GALNT18: variants seen among roughly 807,000 people sequenced by gnomAD.
The protein encoded by GALNT18 is GalNAc-transferase 18.
Under a neutral mutation model 69.5 loss-of-function variants are expected in GALNT18, and 44 were observed. That is an observed-to-expected ratio of 0.63 (90% CI 0.50 to 0.81). The LOEUF is 0.81. Among genes scored for constraint, GALNT18 ranks in the 40% least tolerant of loss-of-function variants. The pLI is 0.00. For synonymous variants in GALNT18, 364 were observed against 318.2 expected, an observed-to-expected ratio of 1.14 and a Z score of -1.53; for missense variants, 715 against 810.0, an observed-to-expected ratio of 0.88 and a Z score of 1.42.
At chr11:11,373,697 A>C (rs924366703) in intron 5 of GALNT18, among the ~76,000 whole-genome samples, 24 of 152,356 alleles carry the variant, frequency 1.6e-4, no homozygotes, top group African/African-American at 4.8e-4. Flanking sequence ...CTTGGGTCTC[A>C]CCAGCTCTGT....
At chr11:11,302,968 G>C (rs1345764560) in intron 9 of GALNT18, among the ~76,000 whole-genome samples, 1 of 152,212 alleles carries the variant, frequency 6.6e-6, no homozygotes. Flanking sequence ...CCTGGATATA[G>C]GACAAAGCTC....
rs186486941 is a variant in GALNT18 at position 11,492,876 on chromosome 11, G to A, written c.236-43940C>T. ...CATGTATACCTATGTAACAAACCAC[G>A]TTCTGCACATGTATCCCAGAACTTA... On this transcript the variant is annotated intron_variant, in intron 1 of 10. Transcript: ENST00000227756. Among the ~76,000 whole-genome samples the A allele has an allele frequency of 8.4e-3, 1,277 of 151,928 alleles. 11 individuals carry two copies. Among genetic ancestry groups the A allele is most frequent in the Admixed American group, 0.018 (273 of 15,234 alleles).
rs1440428020 is a variant in GALNT18, at chr11:11,598,471, C to T, written c.235+22888G>A. On this transcript the variant is annotated intron_variant, in intron 1 of 10. Coordinates refer to ENST00000227756, the MANE Select transcript of GALNT18 (RefSeq NM_198516.3). The surrounding 1 kb of genome is among the most constrained non-coding windows in gnomAD (Gnocchi z 4.8). ...ATTGCATCACTCCAAAATCAGCCTT[C>T]ATTTTCATGTGTGTGTAACCTTCCT... Among the ~76,000 whole-genome samples, 1 of 152,170 alleles carries T rather than the reference C, an allele frequency of 6.6e-6. No homozygotes were observed. Among genetic ancestry groups the T allele is most frequent in the Admixed American group, 6.5e-5 (1 of 15,284 alleles).
At chr11:11,282,389 A>T (rs926567945) in intron 10 of GALNT18, among the ~76,000 whole-genome samples, 1 of 152,206 alleles carries the variant, frequency 6.6e-6, no homozygotes, top group Non-Finnish European at 1.5e-5. Context: ...AATACTTTAC[A>T]TGCCCAATTC....
chr11:11,271,059 CCAAA>C lies in GALNT18; in HGVS notation c.*81_*84del, dbSNP rs1488040971. On this transcript the variant is annotated 3_prime_UTR_variant, in exon 11 of 11. Transcript: ENST00000227756. ...GCCCACTAACCTGGTTCCCCAGACT[CCAAA>C]CAACCCCACGTGGACAGCAGGCAAC... 4 of 1,346,962 alleles carry C rather than the reference CCAAA, an allele frequency of 3.0e-6. No individual in the cohort carries two copies. The highest frequency in any genetic ancestry group is 2.9e-5 in the African/African-American group (2 of 69,698). The allele number at this position is 1,346,962 out of a possible 1,614,324, so 83.4% of individuals were successfully genotyped here.
At chr11:11,360,079 C>G (rs993604074) in intron 6 of GALNT18, among the ~76,000 whole-genome samples, 1 of 152,074 alleles carries the variant, frequency 6.6e-6, no homozygotes, top group Non-Finnish European at 1.5e-5. Flanking sequence ...ACCACATAAA[C>G]ACTTACTCCA....
chr11:11,476,983 G>A (rs1175603311), intron 1 of GALNT18, among the ~76,000 whole-genome samples: 1 of 152,178 alleles, frequency 6.6e-6, no homozygotes, highest in East Asian at 1.9e-4. Flanking sequence ...TTCTGAGTTG[G>A]GGTCCACCCA....
intron 1 of GALNT18, among the ~76,000 whole-genome samples, chr11:11,579,122 T>A (rs1158623422): frequency 6.6e-6 from 1 of 152,188 alleles, no homozygotes; most frequent in Non-Finnish European, 1.5e-5. Flanking sequence ...GAACTGGCTG[T>A]GGGCAGACAC....
Position 11,496,483 on chromosome 11 carries a change from G to A in GALNT18, c.236-47547C>T, listed in dbSNP as rs1009624387. Among the ~76,000 whole-genome samples, 3 of 152,188 alleles carry A rather than the reference G, an allele frequency of 2.0e-5. No homozygotes were observed. Among genetic ancestry groups the A allele is most frequent in the Non-Finnish European group, 2.9e-5 (2 of 68,032 alleles). On this transcript the variant is annotated intron_variant, in intron 1 of 10. Transcript: ENST00000227756. This position sits in a 1 kb window ranked among gnomAD's most constrained non-coding sequence, Gnocchi z 4.0. ...TCAACTCCAATAATGGGGCATGCTG[G>A]AAAAATAAAACAGAAGATGGTTCTT... is the stretch of plus-strand genomic sequence containing the variant.
chr11:11,401,406 C>A lies in GALNT18; in HGVS notation c.596-22142G>T, dbSNP rs78202317. On this transcript the variant is annotated intron_variant, in intron 3 of 10. Coordinates refer to ENST00000227756, the MANE Select transcript of GALNT18 (RefSeq NM_198516.3). ...TGTGACTTCAGCTCTGATGAGCTCA[C>A]TGCAAGGTTTGGTGCTGGGCAGCAT... 4.3e-3 allele frequency among the ~76,000 whole-genome samples: 651 copies of A among 152,330 alleles called. 3 individuals carry two copies. The highest frequency in any genetic ancestry group is 0.015 in the African/African-American group (617 of 41,576).
Position 11,382,158 on chromosome 11 carries a change from T to C in GALNT18, c.596-2894A>G, listed in dbSNP as rs757604484. On this transcript the variant is annotated intron_variant, in intron 3 of 10. Coordinates refer to ENST00000227756, the MANE Select transcript of GALNT18 (RefSeq NM_198516.3). The surrounding 1 kb of genome is among the most constrained non-coding windows in gnomAD (Gnocchi z 4.3). ...ATAGTAGAAAAATTCCATCCCCAGT[T>C]AGTTGCATCCCAAACATGTGCTGCT... 5.9e-5 allele frequency among the ~76,000 whole-genome samples: 9 copies of C among 152,164 alleles called. No homozygotes were observed. Among genetic ancestry groups the C allele is most frequent in the Non-Finnish European group, 1.3e-4 (9 of 68,030 alleles).
At chr11:11,499,799 C>T (rs1856938063) in intron 1 of GALNT18, among the ~76,000 whole-genome samples, 1 of 152,204 alleles carries the variant, frequency 6.6e-6, no homozygotes, top group Non-Finnish European at 1.5e-5. Flanking sequence ...AGTACTGACA[C>T]AGCACAGGAA....
chr11:11,574,787 A>C (rs7935223), intron 1 of GALNT18, among the ~76,000 whole-genome samples: 21,643 of 152,234 alleles, frequency 0.14, 1,963 homozygotes, highest in Middle Eastern at 0.21. Flanking sequence ...CCAGCAAAGG[A>C]GTCGTATTAG....
chr11:11,333,797 T>G (rs901555), intron 7 of GALNT18, among the ~76,000 whole-genome samples: 130,389 of 152,016 alleles, frequency 0.86, 56,154 homozygotes, highest in South Asian at 0.91. Context: ...TCCTCATATT[T>G]CTTGTAGAGC....
intron 1 of GALNT18, among the ~76,000 whole-genome samples, chr11:11,452,542 C>A (rs1051562782): frequency 6.6e-6 from 1 of 152,240 alleles, no homozygotes; most frequent in Admixed American, 6.5e-5. Flanking sequence ...TCCAGCCCCA[C>A]ATGAAGGCTT....
chr11:11,487,333 G>C (rs984716467), intron 1 of GALNT18, among the ~76,000 whole-genome samples: 6 of 152,082 alleles, frequency 3.9e-5, no homozygotes, highest in Admixed American at 1.3e-4. Context: ...GGTAATGGGT[G>C]CACCAAAACC....
intron 10 of GALNT18, among the ~76,000 whole-genome samples, chr11:11,278,761 C>T (rs1015456895): frequency 4.6e-5 from 7 of 151,790 alleles, no homozygotes; most frequent in East Asian, 1.9e-4. Flanking sequence ...AAATACAGTT[C>T]GATAGAAGGA....
chr11:11,615,047 A>G (rs1860011712), intron 1 of GALNT18, among the ~76,000 whole-genome samples: 1 of 152,238 alleles, frequency 6.6e-6, no homozygotes, highest in African/African-American at 2.4e-5. Context: ...CAAAATGTCA[A>G]TCACTGTTAC....
rs894395868 is a variant in GALNT18 at position 11,315,134 on chromosome 11, T to C, written c.1512+11952A>G. Among the ~76,000 whole-genome samples the C allele has an allele frequency of 1.3e-5, 2 of 151,992 alleles. No homozygotes were observed. Among genetic ancestry groups the C allele is most frequent in the Admixed American group, 6.6e-5 (1 of 15,258 alleles). ...TATATAAATATTATATATTAAGACA[T>C]AAAAACAATATAACCCACAGTTAAA... is the stretch of plus-strand genomic sequence containing the variant. On this transcript the variant is annotated intron_variant, in intron 9 of 10. Transcript: ENST00000227756. The surrounding 1 kb of genome is among the most constrained non-coding windows in gnomAD (Gnocchi z 5.6).
Sources: allele counts gnomAD v4.1 joint callset (sites outside exome capture counted in the v4.1 genomes callset), GRCh38; gene constraint gnomAD v4.1.1; non-coding constraint Gnocchi (gnomAD v3.1); transcripts MANE v1.5; gene names NCBI Gene and HGNC (gene_info 2026-07-23, HGNC 2026-07-21).